Variants in BICDL1 observed in about 807,000 individuals in gnomAD.
The protein encoded by BICDL1 is BICD family like cargo adaptor 1.
In BICDL1, 20 loss-of-function variants were observed where a neutral mutation model predicts 76.8. That is an observed-to-expected ratio of 0.26 (90% CI 0.18 to 0.38). BICDL1 has a LOEUF of 0.38. Ranked by LOEUF, BICDL1 falls within the 10% of genes least tolerant of loss-of-function variation. The probability of loss-of-function intolerance (pLI) is 1.00; values close to 1 mark genes in which losing one functional copy is unlikely to be tolerated. For missense variants in BICDL1, 700 were observed against 798.6 expected (o/e 0.88, Z 1.49); for synonymous variants, 383 against 337.1 (o/e 1.14, Z -1.49).
At chr12:120,006,492 T>TA (rs1951853089) in intron 2 of BICDL1, among the ~76,000 whole-genome samples, 1 of 152,114 alleles carries the variant, frequency 6.6e-6, no homozygotes, top group East Asian at 1.9e-4. Context: ...AGGAAATACA[T>TA]AAACAGACAA....
chr12:120,005,992 T>A (rs1951843733), intron 2 of BICDL1, among the ~76,000 whole-genome samples: 2 of 152,250 alleles, frequency 1.3e-5, no homozygotes, highest in Non-Finnish European at 2.9e-5. Context: ...ACTATCATAT[T>A]GCTCCAAGAA....
chr12:120,067,651 C>T (rs1188222772), intron 4 of BICDL1, among the ~76,000 whole-genome samples: 1 of 152,160 alleles, frequency 6.6e-6, no homozygotes, highest in Non-Finnish European at 1.5e-5. Flanking sequence ...TTGCTGTTAT[C>T]ATTAATTAAG....
intron 2 of BICDL1, among the ~76,000 whole-genome samples, chr12:120,048,490 C>A (rs569882808): frequency 6.6e-6 from 1 of 152,044 alleles, no homozygotes; most frequent in African/African-American, 2.4e-5. Flanking sequence ...GGTGTGTCTT[C>A]CTCAAACCTT....
rs1160057213 is a variant in BICDL1 at position 120,052,236 on chromosome 12, T to C, written c.646-9474T>C. On this transcript the variant is annotated intron_variant, in intron 2 of 9. Coordinates refer to ENST00000548673, the MANE Select transcript of BICDL1 (RefSeq NM_001367886.1). ...GGATTACAGGCATGCCTTGTTTTTC[T>C]TTCCCCTCCCCGCCCCTCCCCTCCC... 2.6e-5 allele frequency among the ~76,000 whole-genome samples: 4 copies of C among 151,702 alleles called. No individual in the cohort carries two copies. The East Asian group carries it at 7.8e-4, about 29-fold the overall frequency.
chr12:120,011,437 T>G (rs1003756820), intron 2 of BICDL1, among the ~76,000 whole-genome samples: 1 of 152,232 alleles, frequency 6.6e-6, no homozygotes, highest in African/African-American at 2.4e-5. Context: ...TGCTAAGATC[T>G]TCCAATTCTA....
intron 2 of BICDL1, among the ~76,000 whole-genome samples, chr12:120,014,976 T>C (rs1321293829): frequency 6.6e-6 from 1 of 152,158 alleles, no homozygotes; most frequent in Non-Finnish European, 1.5e-5. Context: ...GCTAAAGTTA[T>C]AGGTTATGGA....
chr12:120,008,245 A>T, intron 2 of BICDL1, among the ~76,000 whole-genome samples: 1 of 134,764 alleles, frequency 7.4e-6, no homozygotes, highest in Non-Finnish European at 1.5e-5. Context: ...TATAGCCTTG[A>T]CCTCCTGGGA....
intron 2 of BICDL1, chr12:119,999,938 G>GTTT (rs1951727551): frequency 3.7e-6 from 1 of 270,786 alleles, no homozygotes; most frequent in East Asian, 1.1e-4. Flanking sequence ...TTTGGTCTTA[G>GTTT]GGAAAAGTGT....
At chr12:120,043,146 G>A (rs1357863462) in intron 2 of BICDL1, among the ~76,000 whole-genome samples, 1 of 152,176 alleles carries the variant, frequency 6.6e-6, no homozygotes, top group Non-Finnish European at 1.5e-5. Context: ...GCGTTGTTAA[G>A]ATAAAATGAA....
chr12:120,013,439 AGTGT>A (rs35499277), intron 2 of BICDL1, among the ~76,000 whole-genome samples: 4,717 of 134,756 alleles, frequency 0.035, 123 homozygotes, highest in South Asian at 0.068. Flanking sequence ...CTTTAACCAG[AGTGT>A]GTGTGTGTGT....
At chr12:120,043,515 A>G (rs1952685197) in intron 2 of BICDL1, among the ~76,000 whole-genome samples, 1 of 152,256 alleles carries the variant, frequency 6.6e-6, no homozygotes, top group Non-Finnish European at 1.5e-5. Flanking sequence ...GGGTATAGGT[A>G]GAAACACCGA....
chr12:119,994,552 C>A (rs1050326886), intron 1 of BICDL1, among the ~76,000 whole-genome samples: 1 of 151,874 alleles, frequency 6.6e-6, no homozygotes, highest in Non-Finnish European at 1.5e-5. Context: ...TGCAGTGGCG[C>A]CATCTTGGCT....
intron 2 of BICDL1, among the ~76,000 whole-genome samples, chr12:120,027,375 C>T (rs1335564864): frequency 1.3e-5 from 2 of 152,106 alleles, no homozygotes; most frequent in African/African-American, 2.4e-5. Context: ...GAATCTTGCC[C>T]TATTCCTCTT....
At chr12:120,020,578 A>C (rs1337939449) in intron 2 of BICDL1, among the ~76,000 whole-genome samples, 1 of 152,184 alleles carries the variant, frequency 6.6e-6, no homozygotes, top group Non-Finnish European at 1.5e-5. Flanking sequence ...TGATCTTTAC[A>C]TAAGAATGCC....
At chr12:120,080,335 G>A (rs1185066885) in intron 7 of BICDL1, among the ~76,000 whole-genome samples, 1 of 152,224 alleles carries the variant, frequency 6.6e-6, no homozygotes, top group Non-Finnish European at 1.5e-5. Flanking sequence ...AGATGATAAT[G>A]TCACTTAGGT....
intron 2 of BICDL1, among the ~76,000 whole-genome samples, chr12:120,025,253 T>C (rs1334165465): frequency 2.0e-5 from 3 of 151,978 alleles, no homozygotes; most frequent in African/African-American, 7.2e-5. Flanking sequence ...GGTTTCACCG[T>C]GTTAGCCAGG....
At chr12:120,026,415 CAA>C (rs1952303269) in intron 2 of BICDL1, among the ~76,000 whole-genome samples, 1 of 151,912 alleles carries the variant, frequency 6.6e-6, no homozygotes, top group African/African-American at 2.4e-5. Context: ...TTCTTCCCAA[CAA>C]AAGTTTTTAA....
chr12:120,063,596 A>G (rs1406469696), intron 3 of BICDL1, among the ~76,000 whole-genome samples: 1 of 152,190 alleles, frequency 6.6e-6, no homozygotes, highest in Non-Finnish European at 1.5e-5. Context: ...GGTCCCCAAA[A>G]CTTGCACAAG....
At chr12:120,069,329 A>G (rs1009563944) in intron 4 of BICDL1, among the ~76,000 whole-genome samples, 1 of 152,250 alleles carries the variant, frequency 6.6e-6, no homozygotes, top group African/African-American at 2.4e-5. Context: ...GATGTTAGAC[A>G]TGGCAAAACT....
Sources: allele counts gnomAD v4.1 joint callset (sites outside exome capture counted in the v4.1 genomes callset), GRCh38; gene constraint gnomAD v4.1.1; transcripts MANE v1.5; gene names NCBI Gene and HGNC (gene_info 2026-07-23, HGNC 2026-07-21).